Variants in ZFP64 observed in about 807,000 individuals in gnomAD.
ZFP64 encodes the protein ZFP64 zinc finger protein.
ZFP64 carries 14 observed loss-of-function variants against 51.6 expected under a neutral mutation model. The ratio of observed to expected loss-of-function variants is 0.27; its 90% CI spans 0.18 to 0.42. ZFP64 has a LOEUF of 0.42. ZFP64 is among the 10% of genes least tolerant of loss of function. The probability of loss-of-function intolerance (pLI) is 1.00; values close to 1 mark genes in which losing one functional copy is unlikely to be tolerated. For missense variants in ZFP64, 754 were observed against 906.8 expected (o/e 0.83, Z 2.16); for synonymous variants, 375 against 361.4 (o/e 1.04, Z -0.43).
intron 1 of ZFP64, among the ~76,000 whole-genome samples, chr20:52,189,919 A>G (rs1045348178): frequency 6.6e-5 from 10 of 152,020 alleles, no homozygotes; most frequent in African/African-American, 2.2e-4. Context: ...ATAATTTCCA[A>G]TTTTTCCCAA....
rs1246291280 is a variant in ZFP64 at position 52,098,692 on chromosome 20, G to GA, written c.764-106dup. On this transcript the variant is annotated intron_variant, in intron 5 of 8. Coordinates refer to the ZFP64 transcript ENST00000361387. ...TATTTCACCTCCCTTCACCTTTCCA[G>GA]AAAAAATTTAAAAAAAATGAAAGCC... 73 of 1,469,298 alleles carry GA rather than the reference G, an allele frequency of 5.0e-5. 1 individual carries two copies. The Middle Eastern group carries it at 5.5e-4, about 11-fold the overall frequency. 91.0% of individuals were successfully genotyped at this position (1,469,298 alleles called of 1,614,324 possible).
intron 7 of ZFP64, among the ~76,000 whole-genome samples, chr20:52,093,922 T>C (rs773218417): frequency 1.3e-5 from 2 of 152,190 alleles, no homozygotes; most frequent in East Asian, 1.9e-4. Context: ...AGTATGAAAA[T>C]TGCACATTTA....
chr20:52,187,635 A>AT lies in ZFP64; in HGVS notation c.47-565dup, dbSNP rs201145161. 7.9e-3 allele frequency among the ~76,000 whole-genome samples: 1,192 copies of AT among 149,974 alleles called. 18 individuals are homozygous for AT. Among genetic ancestry groups the AT allele is most frequent in the African/African-American group, 0.027 (1,115 of 40,820 alleles). ...GAAACTCTGTCTCAAAAAAAAAATA[A>AT]TTTTTTTTTTCAGAAAATTATGATG... On this transcript the variant is annotated intron_variant, in intron 1 of 5. Transcript: ENST00000216923.
intron 5 of ZFP64, among the ~76,000 whole-genome samples, chr20:52,109,244 A>G (rs1031525647): frequency 3.3e-5 from 5 of 151,944 alleles, no homozygotes; most frequent in African/African-American, 1.2e-4. Flanking sequence ...GCTCACTGCA[A>G]GCTCCGCCTC....
At chr20:52,127,308 AT>A (rs1461311670) in intron 5 of ZFP64, among the ~76,000 whole-genome samples, 241 of 144,536 alleles carry the variant, frequency 1.7e-3, no homozygotes, top group African/African-American at 3.5e-3. Context: ...TAAAGGGAAG[AT>A]TTTTTTTTTT....
chr20:52,187,835 T>C (rs1244404207), intron 1 of ZFP64, among the ~76,000 whole-genome samples: 1 of 152,158 alleles, frequency 6.6e-6, no homozygotes, highest in Non-Finnish European at 1.5e-5. Flanking sequence ...AAAAGGGATG[T>C]CCTGCACTTT....
chr20:52,158,799 A>G (rs6013404), intron 5 of ZFP64, among the ~76,000 whole-genome samples: 5,344 of 152,280 alleles, frequency 0.035, 302 homozygotes, highest in African/African-American at 0.12. Context: ...TCTCACTGTC[A>G]GTGAGCTCAG....
In ZFP64 at chr20:52,185,857, A is replaced by G. The variant is rs537817851; in HGVS notation, c.286+975T>C. ...TAGCCTCCCAAAGTGCTGGGATTAC[A>G]GGCATGAGCCACCGTGTCCAGGCTC... On this transcript the variant is annotated intron_variant, in intron 2 of 5. Coordinates refer to ENST00000216923, the MANE Select transcript of ZFP64 (RefSeq NM_018197.3). 9.9e-5 allele frequency among the ~76,000 whole-genome samples: 15 copies of G among 152,182 alleles called. No individual in the cohort carries two copies. In the East Asian group the frequency reaches 2.7e-3, roughly 27 times the overall value.
At chr20:52,155,316 G>A (rs1029467487) in intron 5 of ZFP64, among the ~76,000 whole-genome samples, 5 of 152,168 alleles carry the variant, frequency 3.3e-5, no homozygotes, top group African/African-American at 1.2e-4. Context: ...CATAATTGAA[G>A]GACGTGTCAA....
Position 52,085,885 on chromosome 20 carries a change from T to C in ZFP64, c.1229-619A>G, listed in dbSNP as rs1600679229. On this transcript the variant is annotated intron_variant, in intron 8 of 8. Coordinates refer to the ZFP64 transcript ENST00000361387. This position sits in a 1 kb window ranked among gnomAD's most constrained non-coding sequence, Gnocchi z 4.3. ...CCCTGGAGACATTGCTAAGGGTTTC[T>C]AGTTGTTTTTGAGGTTGCTGCTTTA... Among the ~76,000 whole-genome samples, 2 of 152,218 alleles carry C rather than the reference T, an allele frequency of 1.3e-5. No individual in the cohort carries two copies. Among genetic ancestry groups the C allele is most frequent in the Admixed American group, 1.3e-4 (2 of 15,284 alleles).
chr20:52,124,618 T>G (rs6096772), intron 5 of ZFP64, among the ~76,000 whole-genome samples: 38,535 of 121,038 alleles, frequency 0.32, 5,428 homozygotes, highest in Admixed American at 0.44. Flanking sequence ...CTTTATTATT[T>G]TTTTTTTTTG....
intron 5 of ZFP64, among the ~76,000 whole-genome samples, chr20:52,139,851 T>TG (rs1980169189): frequency 6.6e-6 from 1 of 150,552 alleles, no homozygotes; most frequent in African/African-American, 2.4e-5. Flanking sequence ...CTGAGTTGTT[T>TG]TTTTTTTTTT....
At chr20:52,094,591 A>T (rs955607998) in intron 7 of ZFP64, among the ~76,000 whole-genome samples, 10 of 152,096 alleles carry the variant, frequency 6.6e-5, no homozygotes, top group Non-Finnish European at 1.5e-4. Flanking sequence ...AGACCTCGTC[A>T]CTACAAAATA....
chr20:52,136,096 CAAAAAAAAAA>C (rs71192597), intron 5 of ZFP64, among the ~76,000 whole-genome samples: 3 of 38,034 alleles, frequency 7.9e-5, no homozygotes, highest in African/African-American at 1.1e-4. Flanking sequence ...GAGACTCTCT[CAAAAAAAAAA>C]AAAAAAAAAA....
chr20:52,166,124 G>A (rs1982247902), intron 2 of ZFP64, 99 bp from the exon 3 acceptor site: 17 of 1,267,512 alleles, frequency 1.3e-5, no homozygotes, highest in Middle Eastern at 4.8e-4. Context: ...GTACTAGTTT[G>A]CTTTCCCAGC....
At chr20:52,165,589 T>G in intron 3 of ZFP64, 1 of 616,010 alleles carries the variant, frequency 1.6e-6, no homozygotes, top group Non-Finnish European at 3.0e-6. Context: ...TCCTAAGCTA[T>G]AGCATAGGAA....
chr20:52,126,604 T>A (rs1049070880), intron 5 of ZFP64, among the ~76,000 whole-genome samples: 1 of 152,224 alleles, frequency 6.6e-6, no homozygotes, highest in Non-Finnish European at 1.5e-5. Flanking sequence ...TAAATTCTCA[T>A]TGAGCATTCA....
chr20:52,107,756 T>C (rs1978343178), intron 5 of ZFP64, among the ~76,000 whole-genome samples: 1 of 152,256 alleles, frequency 6.6e-6, no homozygotes, highest in South Asian at 2.1e-4. Flanking sequence ...TTTCTTCACC[T>C]ACTCTCCTGT....
chr20:52,140,145 C>T (rs1366260016), intron 5 of ZFP64, among the ~76,000 whole-genome samples: 1 of 152,100 alleles, frequency 6.6e-6, no homozygotes, highest in Non-Finnish European at 1.5e-5. Context: ...CAGCCGTTCC[C>T]CATCTCTCTC....
Sources: allele counts gnomAD v4.1 joint callset (sites outside exome capture counted in the v4.1 genomes callset), GRCh38; gene constraint gnomAD v4.1.1; non-coding constraint Gnocchi (gnomAD v3.1); transcripts MANE v1.5; gene names NCBI Gene and HGNC (gene_info 2026-07-23, HGNC 2026-07-21).